CDYL: variants seen among roughly 807,000 people sequenced by gnomAD.
CDYL encodes the protein chromodomain Y-like protein.
Under a neutral mutation model 47.3 loss-of-function variants are expected in CDYL, and 8 were observed. The observed-to-expected ratio is 0.17, with a 90% CI of 0.10 to 0.31. The LOEUF (loss-of-function observed/expected upper bound fraction) is 0.31. Ranked by LOEUF, CDYL falls within the 10% of genes least tolerant of loss-of-function variation. The pLI is 1.00. For synonymous variants in CDYL, 266 were observed against 265.0 expected, an observed-to-expected ratio of 1.00 and a Z score of -0.04; for missense variants, 471 against 701.4, an observed-to-expected ratio of 0.67 and a Z score of 3.71.
intron 1 of CDYL, among the ~76,000 whole-genome samples, chr6:4,838,788 G>A (rs1240480892): frequency 3.3e-5 from 5 of 152,046 alleles, no homozygotes; most frequent in African/African-American, 1.2e-4. Context: ...CCGGGTTCAA[G>A]CGATTCTCCT....
rs1758108099 is a variant in CDYL at position 4,758,351 on chromosome 6, A to ATAT, written c.186+23507_186+23508insTAT. ...AAGACTCATGTCTTGAAAATAAATAAATATATATATATATATATATCTCTT... is the reference window on the plus strand; with the variant it reads ...AAGACTCATGTCTTGAAAATAAATAATATATATATATATATATATATATCTCTT... On this transcript the variant is annotated intron_variant, in intron 3 of 8. Coordinates refer to the CDYL transcript ENST00000328908. Among the ~76,000 whole-genome samples, 132 of 129,076 alleles carry ATAT rather than the reference A, an allele frequency of 1.0e-3. 3 individuals carry two copies. The East Asian group carries it at 0.02, about 20-fold the overall frequency. 84.7% of individuals were successfully genotyped at this position (129,076 alleles called of 152,430 possible). A position where few individuals can be genotyped will look rare whatever the true frequency, so the allele number is the denominator to read the frequency against.
chr6:4,889,020 C>T (rs987784028), intron 1 of CDYL, among the ~76,000 whole-genome samples: 4 of 152,096 alleles, frequency 2.6e-5, no homozygotes, highest in African/African-American at 9.7e-5. Flanking sequence ...GGCGAGTATC[C>T]TGTGTGTGCT....
intron 3 of CDYL, among the ~76,000 whole-genome samples, chr6:4,760,905 T>C (rs1438796926): frequency 6.6e-6 from 1 of 151,642 alleles, no homozygotes; most frequent in African/African-American, 2.4e-5. Flanking sequence ...CCCAGCCGCA[T>C]CCCAACCCCC....
chr6:4,721,503 C>T (rs1374309603), intron 2 of CDYL, among the ~76,000 whole-genome samples: 1 of 152,130 alleles, frequency 6.6e-6, no homozygotes, highest in Non-Finnish European at 1.5e-5. Flanking sequence ...CATGCCTCAG[C>T]CTCCCTAGTA....
At chr6:4,736,549 GTGCAGGGGACATGGC>G (rs1757707413) in intron 3 of CDYL, among the ~76,000 whole-genome samples, 1 of 152,174 alleles carries the variant, frequency 6.6e-6, no homozygotes, top group African/African-American at 2.4e-5. Context: ...GGTCAGGAGG[GTGCAGGGGACATGGC>G]TGCAGGGCTG....
At chr6:4,773,272 A>C, upstream of CDYL, 1 of 454,136 alleles carries the variant, frequency 2.2e-6, no homozygotes, top group Non-Finnish European at 4.4e-6. This position sits in a 1 kb window ranked among gnomAD's most constrained non-coding sequence, Gnocchi z 4.6. Flanking sequence ...TAAGAGTCAT[A>C]TGTCTTACTA....
At chr6:4,932,736 G>A (rs147861959) in intron 2 of CDYL, among the ~76,000 whole-genome samples, 11 of 152,314 alleles carry the variant, frequency 7.2e-5, no homozygotes, top group East Asian at 1.9e-4. Flanking sequence ...ACCGTGTCAC[G>A]TAGCCTCTGC....
At position 4,892,391 on chromosome 6, in the gene CDYL, G is replaced by T. The variant is rs762353303; in HGVS notation, c.691+12G>T. 3.1e-6 allele frequency: 5 copies of T among 1,591,596 alleles called. No individual in the cohort carries two copies. Among genetic ancestry groups the T allele is most frequent in the Non-Finnish European group, 3.4e-6 (4 of 1,168,026 alleles). ...TGTTAACGGGAAAGGTGAGTGTCTA[G>T]GGAGCTGCTCAGGCTCCGTGGTGAT... is the stretch of plus-strand genomic sequence containing the variant. On this transcript the variant is annotated intron_variant, in intron 2 of 6. Transcript: ENST00000397588.
chr6:4,895,046 T>G (rs2127487575), intron 2 of CDYL, among the ~76,000 whole-genome samples: 1 of 150,246 alleles, frequency 6.7e-6, no homozygotes, highest in South Asian at 2.1e-4. Context: ...TGTATCTATA[T>G]ACACATGTAC....
intron 3 of CDYL, among the ~76,000 whole-genome samples, chr6:4,739,944 ACT>A (rs1193409451): frequency 6.6e-6 from 1 of 152,002 alleles, no homozygotes; most frequent in Admixed American, 6.6e-5. Flanking sequence ...CAAGAGTGAA[ACT>A]CTGTCTCAAA....
At chr6:4,821,980 TA>T (rs572218478) in intron 1 of CDYL, among the ~76,000 whole-genome samples, 1 of 152,266 alleles carries the variant, frequency 6.6e-6, no homozygotes, top group Admixed American at 6.5e-5. Context: ...TTTATTTATT[TA>T]TTTTTTTGAG....
At chr6:4,834,836 G>A (rs374896259) in intron 1 of CDYL, among the ~76,000 whole-genome samples, 19 of 151,184 alleles carry the variant, frequency 1.3e-4, no homozygotes, top group African/African-American at 1.7e-4. Context: ...ATCTTCCATC[G>A]CTGATACCCT....
Position 4,807,285 on chromosome 6 carries a change from A to G in CDYL, c.24+30478A>G, listed in dbSNP as rs575122177. ...TAGATGGGGTATATGATGTTGTCTA[A>G]TTACTGGTGATATTAACTGTAATCA... On this transcript the variant is annotated intron_variant, in intron 1 of 6. Transcript: ENST00000397588. Among the ~76,000 whole-genome samples the G allele has an allele frequency of 3.6e-4, 55 of 152,312 alleles. 1 individual carries two copies. The South Asian group carries it at 6.6e-3, about 18-fold the overall frequency.
At chr6:4,828,623 G>C (rs908235713) in intron 1 of CDYL, among the ~76,000 whole-genome samples, 10 of 151,426 alleles carry the variant, frequency 6.6e-5, no homozygotes, top group Non-Finnish European at 1.5e-4. Context: ...ATTCGGCTTG[G>C]AATTGATTGG....
At position 4,739,320 on chromosome 6, in the gene CDYL, C is replaced by T. The variant is rs1757756434; in HGVS notation, c.186+4476C>T. Among the ~76,000 whole-genome samples, 4 of 151,646 alleles carry T rather than the reference C, an allele frequency of 2.6e-5. No individual in the cohort carries two copies. The South Asian group carries it at 8.4e-4, about 32-fold the overall frequency. ...ATGACCTGAGGTCAGGAGTTCAAGA[C>T]CAGCCTGGCTAACATGGCAAAACCC... On this transcript the variant is annotated intron_variant, in intron 3 of 8. Coordinates refer to the CDYL transcript ENST00000328908.
intron 2 of CDYL, among the ~76,000 whole-genome samples, chr6:4,722,148 C>T (rs1391055375): frequency 2.0e-5 from 3 of 152,160 alleles, no homozygotes; most frequent in East Asian, 1.9e-4. Flanking sequence ...CCACTGCGCC[C>T]GGCCAGAGAA....
chr6:4,812,372 C>T (rs796522598), intron 1 of CDYL, among the ~76,000 whole-genome samples: 11 of 152,206 alleles, frequency 7.2e-5, no homozygotes, highest in African/African-American at 2.6e-4. Context: ...TTGGGATGTC[C>T]GGTGTAGCGG....
At chr6:4,757,790 ACTGTGGGAGGC>A (rs1335576749) in intron 3 of CDYL, among the ~76,000 whole-genome samples, 1 of 152,180 alleles carries the variant, frequency 6.6e-6, no homozygotes, top group African/African-American at 2.4e-5. Context: ...TAATCCCAGC[ACTGTGGGAGGC>A]CGAGGCAGGA....
At chr6:4,720,016 AATTATT>A (rs1361254634) in intron 2 of CDYL, among the ~76,000 whole-genome samples, 1 of 152,244 alleles carries the variant, frequency 6.6e-6, no homozygotes, top group East Asian at 1.9e-4. Context: ...GTGACCCAAT[AATTATT>A]AAGTCCATTA....
Sources: allele counts gnomAD v4.1 joint callset (sites outside exome capture counted in the v4.1 genomes callset), GRCh38; gene constraint gnomAD v4.1.1; non-coding constraint Gnocchi (gnomAD v3.1); transcripts MANE v1.5; gene names NCBI Gene and HGNC (gene_info 2026-07-23, HGNC 2026-07-21).